RNGTT: variants seen among roughly 807,000 people sequenced by gnomAD.
The protein encoded by RNGTT is RNA guanylyltransferase and 5'-phosphatase.
Under a neutral mutation model 79.3 loss-of-function variants are expected in RNGTT, and 33 were observed. The ratio of observed to expected loss-of-function variants is 0.42; its 90% CI spans 0.32 to 0.56. RNGTT has a LOEUF of 0.56. Among genes scored for constraint, RNGTT ranks in the 20% least tolerant of loss-of-function variants. RNGTT has a pLI of 0.17. For missense variants in RNGTT, 497 were observed against 739.1 expected (o/e 0.67, Z 3.80); for synonymous variants, 222 against 235.9 (o/e 0.94, Z 0.54).
rs1554221332 is a variant in RNGTT at position 88,826,854 on chromosome 6, G to GTA, written c.1269+17501_1269+17502dup. On this transcript the variant is annotated intron_variant, in intron 11 of 15. Coordinates refer to ENST00000369485, the MANE Select transcript of RNGTT (RefSeq NM_003800.5). ...TATATATATATATATATGTGTGTGT[G>GTA]TATATATATATATATAATATACTAT... Among the ~76,000 whole-genome samples, 251 of 138,314 alleles carry GTA rather than the reference G, an allele frequency of 1.8e-3. 2 individuals carry two copies. The highest frequency in any genetic ancestry group is 5.6e-3 in the African/African-American group (206 of 36,664). 90.7% of individuals were successfully genotyped at this position (138,314 alleles called of 152,430 possible). A position where few individuals can be genotyped will look rare whatever the true frequency, so the allele number is the denominator to read the frequency against.
chr6:88,912,364 G>A (rs747293476), intron 4 of RNGTT, among the ~76,000 whole-genome samples: 1 of 152,098 alleles, frequency 6.6e-6, no homozygotes, highest in African/African-American at 2.4e-5. Context: ...AGCTATGATC[G>A]TGCTACTGAC....
Position 88,650,502 on chromosome 6 carries a change from T to C in RNGTT, c.1506+27851A>G, listed in dbSNP as rs1394197611. Among the ~76,000 whole-genome samples, 4 of 152,184 alleles carry C rather than the reference T, an allele frequency of 2.6e-5. No homozygotes were observed. In the South Asian group the frequency reaches 8.3e-4, roughly 31 times the overall value. ...AGACTGATCTTGAAAAACATTAGAA[T>C]GTTTTAATTCCAGCTATGCTCACAC... On this transcript the variant is annotated intron_variant, in intron 14 of 15. Coordinates refer to ENST00000369485, the MANE Select transcript of RNGTT (RefSeq NM_003800.5).
At chr6:88,788,172 A>G (rs1212124077) in intron 12 of RNGTT, among the ~76,000 whole-genome samples, 2 of 152,212 alleles carry the variant, frequency 1.3e-5, no homozygotes, top group Non-Finnish European at 2.9e-5. Flanking sequence ...GGGCTTACAT[A>G]GAAATCTGAA....
rs183826143 is a variant in RNGTT, at chr6:88,618,716, C to T, written c.1507-4321G>A. The stretch of plus-strand genomic sequence containing the variant: ...TGTATCCATCTGATTGCATACCACA[C>T]TTTTATACTATTTGAATCTATAAAT... On this transcript the variant is annotated intron_variant, in intron 14 of 15. Transcript: ENST00000369485. Among the ~76,000 whole-genome samples the T allele has an allele frequency of 2.6e-3, 400 of 152,252 alleles. 1 individual carries two copies. Among genetic ancestry groups the T allele is most frequent in the Admixed American group, 4.6e-3 (70 of 15,304 alleles).
intron 2 of RNGTT, among the ~76,000 whole-genome samples, chr6:88,934,787 T>C (rs1236774410): frequency 6.6e-6 from 1 of 152,102 alleles, no homozygotes; most frequent in Non-Finnish European, 1.5e-5. Flanking sequence ...ACCACAGGTA[T>C]GTGCCACCAA....
intron 12 of RNGTT, among the ~76,000 whole-genome samples, chr6:88,784,433 A>C (rs1472401921): frequency 6.6e-6 from 1 of 152,174 alleles, no homozygotes; most frequent in African/African-American, 2.4e-5. Flanking sequence ...GCTCACCTAT[A>C]CAACCAGGCT....
intron 13 of RNGTT, among the ~76,000 whole-genome samples, chr6:88,720,933 T>C (rs1364681361): frequency 6.6e-6 from 1 of 152,116 alleles, no homozygotes; most frequent in Non-Finnish European, 1.5e-5. Context: ...ATGTTTTTTA[T>C]GTTAGTTCAA....
At chr6:88,680,025 T>C (rs1775030342) in intron 13 of RNGTT, among the ~76,000 whole-genome samples, 1 of 152,154 alleles carries the variant, frequency 6.6e-6, no homozygotes, top group African/African-American at 2.4e-5. Context: ...ATAAATTCCA[T>C]TGCATGAATC....
rs181706469 is a variant in RNGTT, at chr6:88,785,109, A to G, written c.1339-15235T>C. Among the ~76,000 whole-genome samples the G allele has an allele frequency of 1.5e-3, 225 of 152,252 alleles. 6 individuals are homozygous for G. Among genetic ancestry groups the G allele is most frequent in the Admixed American group, 0.014 (217 of 15,300 alleles). On this transcript the variant is annotated intron_variant, in intron 12 of 15. Coordinates refer to ENST00000369485, the MANE Select transcript of RNGTT (RefSeq NM_003800.5). ...TACCATTAATGTTTCAACATTAAAC[A>G]TAAGTTATTAATAAAAAGAACTATC... is the stretch of plus-strand genomic sequence containing the variant.
chr6:88,773,939 A>G (rs572454312), intron 12 of RNGTT, among the ~76,000 whole-genome samples: 5 of 152,280 alleles, frequency 3.3e-5, no homozygotes, highest in Non-Finnish European at 5.9e-5. Context: ...ATAAGCAACA[A>G]AAGAAAAACT....
chr6:88,892,458 G>C (rs1017044614), intron 6 of RNGTT, among the ~76,000 whole-genome samples: 20 of 152,230 alleles, frequency 1.3e-4, no homozygotes, highest in Admixed American at 8.5e-4. Flanking sequence ...ACCAGAGTAA[G>C]AGTGTAGGCA....
At chr6:88,617,741 G>A (rs776753362) in intron 14 of RNGTT, among the ~76,000 whole-genome samples, 3 of 152,034 alleles carry the variant, frequency 2.0e-5, no homozygotes, top group Non-Finnish European at 4.4e-5. Context: ...GATTTTGATA[G>A]GGGTGGAATG....
Position 88,929,005 on chromosome 6 carries a change from C to A in RNGTT, c.347G>T (p.Arg116Ile). The A allele has an allele frequency of 1.2e-6, 2 of 1,610,968 alleles. No homozygotes were observed. The highest frequency in any genetic ancestry group is 1.7e-6 in the Non-Finnish European group (2 of 1,178,576). ...FIRLCERFNE[R>I]NPPELIGVHC... The stretch of plus-strand genomic sequence containing the variant: ...CATACCTATAAGTTCAGGTGGATTT[C>A]TTTCATTAAACCGCTCACACAGACG... Residue 116 changes from arginine to isoleucine, a missense_variant, in exon 4 of 16, where the codon AGA becomes ATA. Coordinates refer to ENST00000369485, the MANE Select transcript of RNGTT (RefSeq NM_003800.5).
intron 4 of RNGTT, among the ~76,000 whole-genome samples, chr6:88,925,798 A>G (rs1784301382): frequency 6.6e-6 from 1 of 152,152 alleles, no homozygotes; most frequent in Non-Finnish European, 1.5e-5. Context: ...AATTGAGGAC[A>G]GGAGTTCGAG....
intron 14 of RNGTT, among the ~76,000 whole-genome samples, chr6:88,674,558 A>T (rs911180980): frequency 6.6e-6 from 1 of 152,022 alleles, no homozygotes; most frequent in African/African-American, 2.4e-5. Context: ...CAAAAAAAAG[A>T]TGTTGATATG....
intron 8 of RNGTT, among the ~76,000 whole-genome samples, chr6:88,865,740 A>C (rs778802240): frequency 2.6e-5 from 4 of 152,160 alleles, no homozygotes; most frequent in Non-Finnish European, 5.9e-5. Context: ...TCTAAACATT[A>C]GAATGATAAA....
intron 14 of RNGTT, among the ~76,000 whole-genome samples, chr6:88,643,902 A>G (rs1449819634): frequency 6.6e-6 from 1 of 152,248 alleles, no homozygotes; most frequent in African/African-American, 2.4e-5. Context: ...AGAAAGCAGG[A>G]AAGATCTAAA....
chr6:88,829,394 A>G (rs1055486858), intron 11 of RNGTT, among the ~76,000 whole-genome samples: 3 of 152,314 alleles, frequency 2.0e-5, no homozygotes, highest in Admixed American at 6.5e-5. Flanking sequence ...ACGGAAGGAA[A>G]AAACCAGTAT....
chr6:88,945,011 C>T (rs1180811776), intron 1 of RNGTT, among the ~76,000 whole-genome samples: 1 of 152,226 alleles, frequency 6.6e-6, no homozygotes, highest in Admixed American at 6.5e-5. Context: ...GCAGCTTCTG[C>T]TGATATGACT....
Sources: allele counts gnomAD v4.1 joint callset (sites outside exome capture counted in the v4.1 genomes callset), GRCh38; gene constraint gnomAD v4.1.1; transcripts MANE v1.5; gene names NCBI Gene and HGNC (gene_info 2026-07-23, HGNC 2026-07-21).